The following FN3KRP variants were observed in gnomAD, a reference collection of about 807,000 sequenced individuals.
FN3KRP encodes ketosamine-3-kinase.
A neutral mutation model predicts 29.8 loss-of-function variants in FN3KRP; 33 were observed. The observed-to-expected ratio is 1.11, with a 90% CI of 0.84 to 1.48. The LOEUF (loss-of-function observed/expected upper bound fraction) is 1.48, where lower values mean the gene tolerates loss of function less well. FN3KRP is among the 40% of genes most tolerant of loss of function. The pLI is 0.00. For missense variants in FN3KRP, 430 were observed against 402.6 expected (o/e 1.07, Z -0.58); for synonymous variants, 157 against 155.2 (o/e 1.01, Z -0.09).
chr17:82,721,811 CTTTTTATGT>C (rs1449718056), intron 3 of FN3KRP, among the ~76,000 whole-genome samples: 3 of 145,714 alleles, frequency 2.1e-5, no homozygotes, highest in African/African-American at 2.5e-5. Context: ...CTGTTTTTTA[CTTTTTATGT>C]TTTTTATGTT....
intron 3 of FN3KRP, among the ~76,000 whole-genome samples, 167 bp downstream of exon 3, chr17:82,720,530 G>A (rs1425287959): frequency 6.6e-6 from 1 of 152,240 alleles, no homozygotes; most frequent in African/African-American, 2.4e-5. Context: ...ACTGAACACA[G>A]TGACTGTGAT....
chr17:82,723,106 T>A (rs1400774321), intron 4 of FN3KRP, among the ~76,000 whole-genome samples: 1 of 151,416 alleles, frequency 6.6e-6, no homozygotes, highest in Non-Finnish European at 1.5e-5. Flanking sequence ...GGAGCTGGAT[T>A]TCAAGGTGGG....
At chr17:82,718,826 G>A (rs1041836388) in intron 1 of FN3KRP, 80 bp from the exon 2 acceptor site, 3 of 1,506,352 alleles carry the variant, frequency 2.0e-6, no homozygotes, top group African/African-American at 1.4e-5. Context: ...TGTAATGCTA[G>A]AGGAAAACAT....
intron 3 of FN3KRP, 88 bp downstream of exon 3, chr17:82,720,451 G>A (rs369778435): frequency 1.9e-5 from 21 of 1,081,254 alleles, no homozygotes; most frequent in Non-Finnish European, 2.8e-5. Context: ...TGCAGCAGCC[G>A]TGGGAGGGTC....
chr17:82,720,303 G>A lies in FN3KRP; in HGVS notation c.325G>A (p.Asp109Asn), dbSNP rs2143609021. 2.5e-6 allele frequency: 4 copies of A among 1,614,044 alleles called. No homozygotes were observed. The highest frequency in any genetic ancestry group is 1.1e-5 in the South Asian group (1 of 91,068). The change falls in exon 3 of 6, where the codon GAT (aspartate) becomes AAT (asparagine). Residue 109 changes from aspartate to asparagine, a missense_variant. Transcript: ENST00000269373. Reference protein sequence around the residue: ...HAAKLGAQLADLHLDNKKLGE... With the variant: ...HAAKLGAQLANLHLDNKKLGE... ...TGCAAAGCTTGGAGCCCAGCTGGCC[G>A]ATTTACACCTTGATAACAAGAAGCT... is the stretch of plus-strand genomic sequence containing the variant.
At chr17:82,723,978 T>C (rs1379665153) in intron 4 of FN3KRP, among the ~76,000 whole-genome samples, 2 of 144,120 alleles carry the variant, frequency 1.4e-5, no homozygotes, top group Non-Finnish European at 3.0e-5. Flanking sequence ...CCAGTTGCTT[T>C]AGCAGCAAAA....
chr17:82,723,929 A>C (rs1468670275), intron 4 of FN3KRP, among the ~76,000 whole-genome samples: 1 of 151,954 alleles, frequency 6.6e-6, no homozygotes, highest in Non-Finnish European at 1.5e-5. Flanking sequence ...CTCTGGCCTC[A>C]GTACTCCAGT....
At chr17:82,726,321 C>T (rs933788772) in intron 4 of FN3KRP, among the ~76,000 whole-genome samples, 159 bp from the exon 5 acceptor site, 1 of 152,136 alleles carries the variant, frequency 6.6e-6, no homozygotes, top group Admixed American at 6.5e-5. Context: ...GACTCCGGTT[C>T]CTCCTGGGAT....
Position 82,716,747 on chromosome 17 carries a change from G to T in FN3KRP, c.-9G>T, listed in dbSNP as rs768478911. ...AGATCCGGGGCGGGTCCGCGGCCGC[G>T]GCGGGAACATGGAGGAGCTCCTGAG... is the stretch of plus-strand genomic sequence containing the variant. On this transcript the variant is annotated 5_prime_UTR_variant, in exon 1 of 6. Transcript: ENST00000269373. 2.7e-6 allele frequency: 4 copies of T among 1,487,434 alleles called. No individual in the cohort carries two copies. Among genetic ancestry groups the T allele is most frequent in the African/African-American group, 1.5e-5 (1 of 67,950 alleles). 92.1% of individuals were successfully genotyped at this position (1,487,434 alleles called of 1,614,324 possible).
intron 4 of FN3KRP, among the ~76,000 whole-genome samples, chr17:82,724,177 C>G (rs2046821062): frequency 6.6e-6 from 1 of 151,648 alleles, no homozygotes; most frequent in Admixed American, 6.6e-5. Context: ...GCCTGTAGTT[C>G]CAGCCACTTG....
chr17:82,723,341 C>T (rs866716035), intron 4 of FN3KRP, among the ~76,000 whole-genome samples: 1 of 151,990 alleles, frequency 6.6e-6, no homozygotes, highest in Non-Finnish European at 1.5e-5. Flanking sequence ...CCAGGGTTTC[C>T]TGGCGGGCGC....
intron 4 of FN3KRP, among the ~76,000 whole-genome samples, chr17:82,723,638 CGTG>C (rs1568061456): frequency 6.6e-6 from 1 of 151,902 alleles, no homozygotes; most frequent in Non-Finnish European, 1.5e-5. Flanking sequence ...TGTGTGCACA[CGTG>C]TGTGCATGTG....
chr17:82,719,115 A>G, intron 2 of FN3KRP, 58 bp downstream of exon 2: 1 of 1,484,666 alleles, frequency 6.7e-7, no homozygotes, highest in South Asian at 1.2e-5. Context: ...GTGTCTTCAC[A>G]CCTTGTTTTA....
intron 3 of FN3KRP, among the ~76,000 whole-genome samples, chr17:82,721,897 C>G (rs1407497495): frequency 1.3e-5 from 2 of 150,960 alleles, no homozygotes; most frequent in African/African-American, 2.4e-5. Context: ...TGCAGTGGCG[C>G]GATCTCAGCT....
At chr17:82,718,702 G>A in intron 1 of FN3KRP, 2 of 1,245,812 alleles carry the variant, frequency 1.6e-6, no homozygotes, top group South Asian at 1.7e-5. Flanking sequence ...GAAAGCTCAA[G>A]CCCTCTTCTT....
rs2046806923 is a variant in FN3KRP, at chr17:82,722,738, C to T, written c.386-66C>T. ...GCTGAGGTCGTGTCTGAAGGTGACT[C>T]AGTTTCGAGAGTGGGCGCTGGGATC... On this transcript the variant is annotated intron_variant, in intron 3 of 5. Coordinates refer to ENST00000269373, the MANE Select transcript of FN3KRP (RefSeq NM_024619.4). The T allele has an allele frequency of 2.6e-6, 4 of 1,512,188 alleles. No homozygotes were observed. The South Asian group carries it at 4.6e-5, about 17-fold the overall frequency. 93.7% of individuals were successfully genotyped at this position (1,512,188 alleles called of 1,614,324 possible).
In FN3KRP at chr17:82,716,982, C is replaced by T. The variant is rs2046760313; in HGVS notation, c.141+86C>T. The T allele has an allele frequency of 8.1e-6, 12 of 1,479,894 alleles. No individual in the cohort carries two copies. In the South Asian group the frequency reaches 1.2e-4, roughly 14 times the overall value. 91.7% of individuals were successfully genotyped at this position (1,479,894 alleles called of 1,614,324 possible). A position where few individuals can be genotyped will look rare whatever the true frequency, so the allele number is the denominator to read the frequency against. ...TCGGCGCGGGGCGCGGCCTGGGCTT[C>T]TCCCGCCGGAGGCCGTGGGTGGCTC... is the stretch of plus-strand genomic sequence containing the variant. On this transcript the variant is annotated intron_variant, in intron 1 of 5. Coordinates refer to ENST00000269373, the MANE Select transcript of FN3KRP (RefSeq NM_024619.4).
intron 5 of FN3KRP, 89 bp downstream of exon 5, chr17:82,726,691 C>T: frequency 6.5e-7 from 1 of 1,531,686 alleles, no homozygotes; most frequent in Non-Finnish European, 8.8e-7. Context: ...GAGGCCACCT[C>T]TGAGTCTGAT....
intron 1 of FN3KRP, among the ~76,000 whole-genome samples, chr17:82,717,441 C>T (rs1485099428): frequency 6.6e-6 from 1 of 152,162 alleles, no homozygotes; most frequent in Non-Finnish European, 1.5e-5. Flanking sequence ...ATTCTCGGGC[C>T]GGGCGCGGTG....
Sources: gnomAD v4.1 joint callset for allele counts (sites outside exome capture counted in the v4.1 genomes callset) on GRCh38, gnomAD v4.1.1 for gene constraint, MANE v1.5 for transcripts, NCBI Gene and HGNC (gene_info 2026-07-23, HGNC 2026-07-21) for gene names.